DOCK3: variants seen among roughly 807,000 people sequenced by gnomAD.
DOCK3 encodes dedicator of cytokinesis 3, also known as dedicator of cytokinesis protein 3.
In DOCK3, 60 loss-of-function variants were observed where a neutral mutation model predicts 265.6. That is an observed-to-expected ratio of 0.23 (90% CI 0.18 to 0.28). The LOEUF (loss-of-function observed/expected upper bound fraction) is 0.28. Among genes scored for constraint, DOCK3 ranks in the 10% least tolerant of loss-of-function variants. The pLI is 1.00. For missense variants in DOCK3, 1,981 were observed against 2,594.3 expected (o/e 0.76, Z 5.14); for synonymous variants, 881 against 938.0 (o/e 0.94, Z 1.11).
intron 22 of DOCK3, among the ~76,000 whole-genome samples, 176 bp downstream of exon 22, chr3:51,246,983 G>A (rs1271520147): frequency 3.3e-5 from 5 of 152,158 alleles, no homozygotes; most frequent in Non-Finnish European, 7.4e-5. Flanking sequence ...GCCCCAGAAA[G>A]CTTTTATTCC....
chr3:50,876,066 C>T (rs557585294), intron 3 of DOCK3, among the ~76,000 whole-genome samples: 1 of 152,216 alleles, frequency 6.6e-6, no homozygotes, highest in South Asian at 2.1e-4. Flanking sequence ...AAGATTACTG[C>T]TGCTATACCA....
At chr3:51,007,702 A>G (rs993627684) in intron 5 of DOCK3, among the ~76,000 whole-genome samples, 14 of 151,084 alleles carry the variant, frequency 9.3e-5, no homozygotes, top group Admixed American at 4.0e-4. Flanking sequence ...GCCCATGCCT[A>G]TGTCCTGAAT....
At chr3:50,994,261 C>A (rs2078205683) in intron 5 of DOCK3, among the ~76,000 whole-genome samples, 1 of 152,136 alleles carries the variant, frequency 6.6e-6, no homozygotes, top group South Asian at 2.1e-4. Flanking sequence ...TAAAATATTT[C>A]ACATGTAAAT....
chr3:50,817,081 T>C (rs1268779661), intron 2 of DOCK3, among the ~76,000 whole-genome samples: 1 of 152,222 alleles, frequency 6.6e-6, no homozygotes, highest in African/African-American at 2.4e-5. Context: ...TATTTCTTGA[T>C]GATATGCCAA....
intron 5 of DOCK3, among the ~76,000 whole-genome samples, chr3:50,976,016 A>T (rs1387316781): frequency 6.6e-6 from 1 of 151,014 alleles, no homozygotes; most frequent in Admixed American, 6.6e-5. Flanking sequence ...TATTGCGTCT[A>T]TTTGATTCTT....
chr3:50,720,762 T>C (rs2037430916), intron 1 of DOCK3, among the ~76,000 whole-genome samples: 1 of 152,208 alleles, frequency 6.6e-6, no homozygotes, highest in Admixed American at 6.5e-5. Context: ...TTTTAAGTTC[T>C]TTGAGAAATT....
intron 1 of DOCK3, among the ~76,000 whole-genome samples, chr3:50,721,533 G>T (rs574230819): frequency 6.6e-6 from 1 of 152,198 alleles, no homozygotes; most frequent in East Asian, 1.9e-4. Context: ...TGTCTATTCT[G>T]TTCAATTTGC....
chr3:50,698,517 G>GTTTTTTTTTTTTTTTTTTTT lies in DOCK3; in HGVS notation c.37+23223_37+23242dup. On this transcript the variant is annotated intron_variant, in intron 1 of 52. Transcript: ENST00000266037. ...GTTTCTCTGTGGATGTATGTTTTTG[G>GTTTTTTTTTTTTTTTTTTTT]TTTTTTTTTTTTTTTTTTTTTTTTT... is the stretch of plus-strand genomic sequence containing the variant. Among the ~76,000 whole-genome samples the GTTTTTTTTTTTTTTTTTTTT allele has an allele frequency of 1.4e-3, 28 of 19,516 alleles. 9 individuals carry two copies. The highest frequency in any genetic ancestry group is 2.8e-3 in the East Asian group (3 of 1,064). The allele number at this position is 19,516 out of a possible 152,430, so 12.8% of individuals were successfully genotyped here.
At chr3:50,744,817 A>G (rs1260938182) in intron 1 of DOCK3, among the ~76,000 whole-genome samples, 1 of 152,128 alleles carries the variant, frequency 6.6e-6, no homozygotes, top group Non-Finnish European at 1.5e-5. Flanking sequence ...TTCTAGCACC[A>G]TTTGCTGAAC....
At chr3:50,679,046 C>G (rs1038556131) in intron 1 of DOCK3, among the ~76,000 whole-genome samples, 1 of 152,212 alleles carries the variant, frequency 6.6e-6, no homozygotes, top group African/African-American at 2.4e-5. Flanking sequence ...ATCTCCTGAC[C>G]TTGTGATCCG....
At chr3:50,787,208 G>T in intron 2 of DOCK3, 1 of 602,940 alleles carries the variant, frequency 1.7e-6, no homozygotes, top group East Asian at 3.2e-5. Flanking sequence ...AAATCTGCAT[G>T]TGCCTATGAG....
intron 9 of DOCK3, among the ~76,000 whole-genome samples, chr3:51,110,327 C>A (rs2083460728): frequency 6.6e-6 from 1 of 152,146 alleles, no homozygotes; most frequent in Admixed American, 6.6e-5. Context: ...TCTATGAGGT[C>A]AGCATCATTC....
chr3:50,790,008 C>CA (rs2042382141), intron 2 of DOCK3, among the ~76,000 whole-genome samples: 1 of 152,204 alleles, frequency 6.6e-6, no homozygotes, highest in Non-Finnish European at 1.5e-5. Context: ...GTTGAGATTA[C>CA]AGGCATGAGC....
intron 1 of DOCK3, among the ~76,000 whole-genome samples, chr3:50,691,966 G>A (rs923928015): frequency 1.9e-4 from 28 of 150,752 alleles, no homozygotes; most frequent in African/African-American, 6.6e-4. Flanking sequence ...CCAGGCTGGA[G>A]TGCAGTGGCA....
intron 2 of DOCK3, among the ~76,000 whole-genome samples, chr3:50,817,425 G>A (rs1379871569): frequency 6.6e-6 from 1 of 151,904 alleles, no homozygotes; most frequent in African/African-American, 2.4e-5. Flanking sequence ...CTAAGTAGCT[G>A]GACAGCAGGC....
chr3:50,882,457 G>A (rs1575438517), intron 3 of DOCK3, among the ~76,000 whole-genome samples: 1 of 152,106 alleles, frequency 6.6e-6, no homozygotes, highest in African/African-American at 2.4e-5. Context: ...GTGGGCAAAG[G>A]CTATGAACAG....
At chr3:50,879,587 A>C (rs1245087234) in intron 3 of DOCK3, among the ~76,000 whole-genome samples, 1 of 152,246 alleles carries the variant, frequency 6.6e-6, no homozygotes, top group Non-Finnish European at 1.5e-5. Context: ...TGACCAGCCT[A>C]AATATATATT....
At chr3:51,090,579 C>T (rs374435105) in intron 9 of DOCK3, among the ~76,000 whole-genome samples, 195 bp downstream of exon 9, 1 of 152,128 alleles carries the variant, frequency 6.6e-6, no homozygotes, top group African/African-American at 2.4e-5. Context: ...GGGTGGCTGC[C>T]TTTTTTATGA....
intron 5 of DOCK3, among the ~76,000 whole-genome samples, chr3:50,987,318 A>C (rs994640343): frequency 1.3e-4 from 20 of 152,188 alleles, no homozygotes; most frequent in Non-Finnish European, 2.1e-4. Flanking sequence ...TTTTATTTTA[A>C]TGTATTAATA....
Sources: gnomAD v4.1 joint callset for allele counts (sites outside exome capture counted in the v4.1 genomes callset) on GRCh38, gnomAD v4.1.1 for gene constraint, MANE v1.5 for transcripts, NCBI Gene and HGNC (gene_info 2026-07-23, HGNC 2026-07-21) for gene names.